Variants in NCALD observed in about 807,000 individuals in gnomAD.
The protein encoded by NCALD is neurocalcin-delta.
Under a neutral mutation model 18.6 loss-of-function variants are expected in NCALD, and 10 were observed. The ratio of observed to expected loss-of-function variants is 0.54; its 90% CI spans 0.33 to 0.91. NCALD has a LOEUF of 0.91. Among genes scored for constraint, NCALD ranks in the 40% least tolerant of loss-of-function variants. The probability of loss-of-function intolerance (pLI) is 0.03; values close to 1 mark genes in which losing one functional copy is unlikely to be tolerated. For synonymous variants in NCALD, 88 were observed against 87.4 expected (o/e 1.01, Z -0.04); for missense variants, 184 against 247.6 (o/e 0.74, Z 1.72).
At chr8:101,906,640 A>T (rs2131587193) in intron 3 of NCALD, among the ~76,000 whole-genome samples, 1 of 152,354 alleles carries the variant, frequency 6.6e-6, no homozygotes, top group Non-Finnish European at 1.5e-5. Flanking sequence ...CTTTCATTGC[A>T]GTCACTTGAT....
At chr8:102,027,485 CT>C (rs1822502345) in intron 1 of NCALD, among the ~76,000 whole-genome samples, 1 of 152,170 alleles carries the variant, frequency 6.6e-6, no homozygotes, top group Non-Finnish European at 1.5e-5. Context: ...TCAGCCTGGA[CT>C]TCATTGTTTA....
intron 3 of NCALD, among the ~76,000 whole-genome samples, chr8:101,902,275 T>C (rs867383566): frequency 9.5e-6 from 1 of 104,746 alleles, no homozygotes; most frequent in African/African-American, 5.8e-5. Flanking sequence ...CCACTGAGTT[T>C]TTTTTTTTTT....
At chr8:101,872,525 C>G (rs1232917948) in intron 4 of NCALD, 1 of 712,816 alleles carries the variant, frequency 1.4e-6, no homozygotes, top group Non-Finnish European at 2.6e-6. Flanking sequence ...TCATTCCACT[C>G]AGTGTCTGTG....
At chr8:101,948,774 C>T (rs968353837) in intron 2 of NCALD, among the ~76,000 whole-genome samples, 1 of 152,290 alleles carries the variant, frequency 6.6e-6, no homozygotes, top group East Asian at 1.9e-4. Flanking sequence ...CCTGAAGACC[C>T]GGAGCCAGGC....
intron 2 of NCALD, among the ~76,000 whole-genome samples, chr8:101,935,249 G>A (rs567667826): frequency 2.0e-4 from 30 of 152,152 alleles, no homozygotes; most frequent in African/African-American, 4.6e-4. Context: ...AGGGGAATAG[G>A]TACTCCAAAA....
At chr8:101,921,378 TA>T (rs1331115428) in intron 2 of NCALD, among the ~76,000 whole-genome samples, 1 of 151,864 alleles carries the variant, frequency 6.6e-6, no homozygotes, top group Admixed American at 6.6e-5. Flanking sequence ...CCTTTTTTAT[TA>T]AAAAATTAAT....
At chr8:101,791,728 TAAGCTGAAA>T (rs1323721668), upstream of NCALD, among the ~76,000 whole-genome samples, 1 of 152,092 alleles carries the variant, frequency 6.6e-6, no homozygotes, top group African/African-American at 2.4e-5. Context: ...ACCATGTGAG[TAAGCTGAAA>T]ACTGTGCTTT....
intron 2 of NCALD, among the ~76,000 whole-genome samples, chr8:101,703,433 C>A (rs1291513760): frequency 6.6e-6 from 1 of 152,152 alleles, no homozygotes; most frequent in Non-Finnish European, 1.5e-5. Flanking sequence ...AAAACATCAG[C>A]ATGAGATTAG....
intron 3 of NCALD, among the ~76,000 whole-genome samples, chr8:101,897,468 T>C (rs1817240360): frequency 1.3e-5 from 2 of 151,216 alleles, no homozygotes; most frequent in South Asian, 4.2e-4. Context: ...TATACATATG[T>C]AACTAACCTG....
intron 1 of NCALD, among the ~76,000 whole-genome samples, chr8:102,058,885 T>C (rs1008867065): frequency 1.1e-4 from 17 of 152,132 alleles, no homozygotes; most frequent in African/African-American, 4.1e-4. Flanking sequence ...CAAAAGTCAG[T>C]GTGAGAAGCA....
At chr8:102,075,503 A>G (rs1240531857) in intron 1 of NCALD, among the ~76,000 whole-genome samples, 6 of 152,198 alleles carry the variant, frequency 3.9e-5, no homozygotes, top group Non-Finnish European at 8.8e-5. Flanking sequence ...GGTCTGATAA[A>G]TTAGAATAAT....
At chr8:102,065,992 G>A (rs144361619) in intron 1 of NCALD, among the ~76,000 whole-genome samples, 1 of 152,278 alleles carries the variant, frequency 6.6e-6, no homozygotes, top group East Asian at 1.9e-4. Context: ...AAGACAATAA[G>A]TAAGTCTTTA....
At chr8:102,031,241 C>G (rs1418395803) in intron 1 of NCALD, among the ~76,000 whole-genome samples, 1 of 152,052 alleles carries the variant, frequency 6.6e-6, no homozygotes, top group African/African-American at 2.4e-5. Flanking sequence ...CTACAAGTCA[C>G]AAGGCTGGGT....
chr8:101,721,140 A>G (rs1816335611), intron 1 of NCALD: 1 of 144,074 alleles, frequency 6.9e-6, no homozygotes, highest in Non-Finnish European at 1.5e-5. Flanking sequence ...AAAGTTCTGC[A>G]CTTGTATTTT....
chr8:101,698,073 C>A (rs1220429610), intron 2 of NCALD, among the ~76,000 whole-genome samples: 3 of 152,164 alleles, frequency 2.0e-5, no homozygotes, highest in Non-Finnish European at 4.4e-5. Context: ...AGCTGATAAG[C>A]AACTTCACAA....
At chr8:101,747,812 G>T (rs934092859) in intron 1 of NCALD, among the ~76,000 whole-genome samples, 2 of 151,866 alleles carry the variant, frequency 1.3e-5, no homozygotes, top group Non-Finnish European at 1.5e-5. Flanking sequence ...CTCCCTCCTG[G>T]GTTCAAGTGA....
intron 1 of NCALD, among the ~76,000 whole-genome samples, chr8:102,115,012 C>T (rs1223094239): frequency 6.6e-6 from 1 of 152,226 alleles, no homozygotes; most frequent in African/African-American, 2.4e-5. Context: ...CCTGTGCCAT[C>T]ACACAGGCCC....
chr8:101,894,542 A>C (rs1001139697), intron 3 of NCALD, among the ~76,000 whole-genome samples: 13 of 144,858 alleles, frequency 9.0e-5, no homozygotes, highest in African/African-American at 3.6e-4. Flanking sequence ...TAGAGACACA[A>C]AAAACCCTTC....
At chr8:101,865,241 C>T (rs1297087616) in intron 4 of NCALD, among the ~76,000 whole-genome samples, 1 of 152,128 alleles carries the variant, frequency 6.6e-6, no homozygotes, top group Non-Finnish European at 1.5e-5. Context: ...CAATTTTATA[C>T]CAAGGAACCA....
Sources: gnomAD v4.1 joint callset for allele counts (sites outside exome capture counted in the v4.1 genomes callset) on GRCh38, gnomAD v4.1.1 for gene constraint, MANE v1.5 for transcripts, NCBI Gene and HGNC (gene_info 2026-07-23, HGNC 2026-07-21) for gene names.